Variants in FAM156A observed in about 807,000 individuals in gnomAD.
FAM156A encodes protein FAM156A/FAM156B.
intron 1 of FAM156A, among the ~76,000 whole-genome samples, chrX:52,974,302 T>A (rs1556791531): frequency 8.9e-6 from 1 of 112,181 alleles, no homozygotes; most frequent in African/African-American, 3.2e-5. Context: ...GGACATTACT[T>A]GAAGTCTGGC....
intron 1 of FAM156A, among the ~76,000 whole-genome samples, chrX:52,977,107 T>C (rs782043113): frequency 0.056 from 4,808 of 85,421 alleles, 124 homozygotes; most frequent in Admixed American, 0.098. Flanking sequence ...CACACACACA[T>C]ATATATATAT....
chrX:52,975,051 TACACACACAC>T (rs61081750), intron 1 of FAM156A, among the ~76,000 whole-genome samples: 9,960 of 83,563 alleles, frequency 0.12, 441 homozygotes, highest in Non-Finnish European at 0.15. Flanking sequence ...GTTAAACACA[TACACACACAC>T]ACACACACAC....
intron 1 of FAM156A, among the ~76,000 whole-genome samples, chrX:52,980,103 T>C (rs1602049438): frequency 8.9e-6 from 1 of 112,101 alleles, no homozygotes; most frequent in Non-Finnish European, 1.9e-5. Context: ...TTTTTCCATA[T>C]ATATCACTTC....
At chrX:52,980,039 T>C (rs1350780360) in intron 1 of FAM156A, among the ~76,000 whole-genome samples, 1 of 111,984 alleles carries the variant, frequency 8.9e-6, no homozygotes, top group Non-Finnish European at 1.9e-5. Context: ...ATTTGTGGAG[T>C]GAAGGTTACA....
chrX:52,983,634 A>G (rs1930063912), intron 1 of FAM156A, among the ~76,000 whole-genome samples: 1 of 111,570 alleles, frequency 9.0e-6, no homozygotes, highest in African/African-American at 3.3e-5. Context: ...AATTTTTAAC[A>G]TTTTTCATCC....
intron 1 of FAM156A, among the ~76,000 whole-genome samples, chrX:52,992,987 C>T (rs1193910134): frequency 8.9e-6 from 1 of 111,829 alleles, no homozygotes; most frequent in East Asian, 2.8e-4. Context: ...GAGGTCATCC[C>T]TCTTTTAGGA....
chrX:52,990,797 G>GAAAGAAAAGAAAAGAAAAGA (rs782744600), intron 1 of FAM156A, among the ~76,000 whole-genome samples: 2,700 of 69,503 alleles, frequency 0.039, 119 homozygotes, highest in East Asian at 0.06. Flanking sequence ...GAAAAGAAAA[G>GAAAGAAAAGAAAAGAAAAGA]AAAGAAAAGA....
chrX:52,975,883 C>G (rs1208892174), intron 1 of FAM156A, among the ~76,000 whole-genome samples: 2 of 111,861 alleles, frequency 1.8e-5, no homozygotes, highest in African/African-American at 6.5e-5. Flanking sequence ...ACAGCAGCCT[C>G]CTCTTATGGA....
chrX:52,985,118 G>A (rs1200434647), intron 1 of FAM156A, among the ~76,000 whole-genome samples: 1 of 109,604 alleles, frequency 9.1e-6, no homozygotes, highest in Non-Finnish European at 1.9e-5. Flanking sequence ...AGTACATATG[G>A]ACACTTCACC....
intron 1 of FAM156A, among the ~76,000 whole-genome samples, chrX:52,978,805 A>G (rs1332652875): frequency 8.9e-6 from 1 of 112,124 alleles, no homozygotes; most frequent in African/African-American, 3.2e-5. Flanking sequence ...GGGTTTGTAC[A>G]TCAGAGAACA....
At chrX:52,978,543 C>G (rs1020284507) in intron 1 of FAM156A, among the ~76,000 whole-genome samples, 12 of 112,324 alleles carry the variant, frequency 1.1e-4, no homozygotes, top group Non-Finnish European at 2.1e-4. Flanking sequence ...AACCAAGAGC[C>G]ACGGGCATCG....
Position 52,989,436 on chromosome X carries a change from G to A in FAM156A, c.-434+5870C>T, listed in dbSNP as rs192043008. 4.0e-4 allele frequency among the ~76,000 whole-genome samples: 45 copies of A among 112,039 alleles called. No individual in the cohort carries two copies. In the East Asian group the frequency reaches 0.012, roughly 29 times the overall value. ...CTTGGGCCAAATCTGCTTTATTAAC[G>A]CCTCAGCTCCCCTCCATTCATGAGC... is the stretch of plus-strand genomic sequence containing the variant. On this transcript the variant is annotated intron_variant, in intron 1 of 4. Transcript: ENST00000610625.
At chrX:52,993,634 C>T (rs868978990) in intron 1 of FAM156A, among the ~76,000 whole-genome samples, 1 of 110,041 alleles carries the variant, frequency 9.1e-6, no homozygotes, top group Non-Finnish European at 1.9e-5. Context: ...AGGCTGGTTT[C>T]GAACTCCCAA....
intron 1 of FAM156A, among the ~76,000 whole-genome samples, chrX:52,992,601 G>A (rs1250536482): frequency 9.3e-6 from 1 of 107,453 alleles, no homozygotes; most frequent in Admixed American, 1.0e-4. Flanking sequence ...TCACTTGTGA[G>A]TCTTTTTTTT....
chrX:52,979,350 G>T (rs1170905648), intron 1 of FAM156A, among the ~76,000 whole-genome samples: 1 of 111,387 alleles, frequency 9.0e-6, no homozygotes, highest in Admixed American at 9.5e-5. Flanking sequence ...CACATAGGAT[G>T]GGAGGAGATG....
At chrX:52,981,413 A>G (rs1929889371) in intron 1 of FAM156A, among the ~76,000 whole-genome samples, 1 of 111,588 alleles carries the variant, frequency 9.0e-6, no homozygotes, top group Non-Finnish European at 1.9e-5. Context: ...ACATGCAAGT[A>G]CAATCCCAGA....
intron 1 of FAM156A, among the ~76,000 whole-genome samples, chrX:52,980,634 C>T (rs781889779): frequency 8.9e-6 from 1 of 111,743 alleles, no homozygotes; most frequent in African/African-American, 3.2e-5. Context: ...CAGTGATGAG[C>T]CCCATGGCTG....
chrX:52,993,408 CTTTTTTTT>C (rs147840894), intron 1 of FAM156A, among the ~76,000 whole-genome samples: 1 of 42,575 alleles, frequency 2.3e-5, no homozygotes, highest in African/African-American at 8.8e-5. Context: ...TCTTAACTTT[CTTTTTTTT>C]TTTTTTTTTT....
rs1430441466 is a variant in FAM156A at position 52,973,348 on chromosome X, C to T, written c.-433-9113G>A. ...GAAAAGATTGATTCAAACCCCAACACCAATGCTCTGGCAGAAAAAGAAAGG... is the reference window on the plus strand; with the variant it reads ...GAAAAGATTGATTCAAACCCCAACATCAATGCTCTGGCAGAAAAAGAAAGG... On this transcript the variant is annotated intron_variant, in intron 1 of 4. Coordinates refer to the FAM156A transcript ENST00000610625. Among the ~76,000 whole-genome samples, 13 of 110,649 alleles carry T rather than the reference C, an allele frequency of 1.2e-4. 1 individual carries two copies. In the South Asian group the frequency reaches 1.5e-3, roughly 13 times the overall value.
Sources: allele counts gnomAD v4.1 joint callset (sites outside exome capture counted in the v4.1 genomes callset), GRCh38; gene constraint gnomAD v4.1.1; transcripts MANE v1.5; gene names NCBI Gene and HGNC (gene_info 2026-07-23, HGNC 2026-07-21).